The following LRRC4C variants were observed in gnomAD, a reference collection of about 807,000 sequenced individuals.
The protein encoded by LRRC4C is leucine rich repeat containing 4C.
A neutral mutation model predicts 33.6 loss-of-function variants in LRRC4C; 5 were observed. The ratio of observed to expected loss-of-function variants is 0.15; its 90% CI spans 0.08 to 0.31. LRRC4C has a LOEUF of 0.31. Ranked by LOEUF, LRRC4C falls within the 10% of genes least tolerant of loss-of-function variation. The probability of loss-of-function intolerance (pLI) is 1.00; values close to 1 mark genes in which losing one functional copy is unlikely to be tolerated. For synonymous variants in LRRC4C, 329 were observed against 302.0 expected, an observed-to-expected ratio of 1.09 and a Z score of -0.93; for missense variants, 560 against 796.7, an observed-to-expected ratio of 0.70 and a Z score of 3.58.
At chr11:40,397,213 A>C (rs562191499) in intron 3 of LRRC4C, among the ~76,000 whole-genome samples, 1 of 152,224 alleles carries the variant, frequency 6.6e-6, no homozygotes, top group East Asian at 1.9e-4. Flanking sequence ...TAATTTTAAA[A>C]TATTTCGTCT....
chr11:41,182,940 A>G (rs1419654454), intron 1 of LRRC4C, among the ~76,000 whole-genome samples: 1 of 152,006 alleles, frequency 6.6e-6, no homozygotes, highest in Admixed American at 6.6e-5. Context: ...AGCAAATCAC[A>G]TCTTACATGG....
chr11:40,938,310 A>G (rs1306447789), intron 1 of LRRC4C, among the ~76,000 whole-genome samples: 1 of 152,134 alleles, frequency 6.6e-6, no homozygotes, highest in Non-Finnish European at 1.5e-5. Flanking sequence ...GTACTGTCAC[A>G]GAGAAAAGAT....
chr11:40,848,717 T>C (rs1410943380), intron 2 of LRRC4C, among the ~76,000 whole-genome samples: 1 of 152,150 alleles, frequency 6.6e-6, no homozygotes, highest in Non-Finnish European at 1.5e-5. Flanking sequence ...TTCTGTCTCA[T>C]TGATTTGTCT....
intron 2 of LRRC4C, among the ~76,000 whole-genome samples, chr11:40,887,759 C>G (rs951041174): frequency 2.0e-5 from 3 of 151,962 alleles, no homozygotes; most frequent in Non-Finnish European, 4.4e-5. Flanking sequence ...CATGCTAAGT[C>G]TGAATTACCA....
rs192915159 is a variant in LRRC4C, at chr11:41,119,147, C to T, written c.-495-185424G>A. 5.3e-5 allele frequency among the ~76,000 whole-genome samples: 8 copies of T among 152,130 alleles called. No homozygotes were observed. The East Asian group carries it at 1.4e-3, about 26-fold the overall frequency. ...GTACTTTTTCATTGCCGTTTGCTGA[C>T]GATGTTCATATATCTCTTCAGCTAA... On this transcript the variant is annotated intron_variant, in intron 1 of 6. Coordinates refer to ENST00000528697, the MANE Select transcript of LRRC4C (RefSeq NM_001258419.2).
At chr11:40,791,246 T>C (rs2137383135) in intron 2 of LRRC4C, among the ~76,000 whole-genome samples, 1 of 152,330 alleles carries the variant, frequency 6.6e-6, no homozygotes, top group East Asian at 1.9e-4. Flanking sequence ...AAGCATTGTA[T>C]GGTGTTGCAA....
intron 3 of LRRC4C, among the ~76,000 whole-genome samples, chr11:40,429,879 T>TTGCTC (rs1181997848): frequency 6.6e-6 from 1 of 152,198 alleles, no homozygotes; most frequent in African/African-American, 2.4e-5. Flanking sequence ...CTTTCTCCTT[T>TTGCTC]TGCTCTTTTT....
chr11:40,789,139 T>C (rs1261394882), intron 2 of LRRC4C, among the ~76,000 whole-genome samples: 1 of 150,922 alleles, frequency 6.6e-6, no homozygotes, highest in East Asian at 1.9e-4. Context: ...ACTTATGTGT[T>C]AGTGGGCTCA....
Position 40,200,180 on chromosome 11 carries a change from T to TAAAAAAAAAAAAAAAAAAAAAA in LRRC4C, c.-96+41317_-96+41338dup, listed in dbSNP as rs56269292. The stretch of plus-strand genomic sequence containing the variant: ...CAAAATGGAGAAAGCCTGTCTCCAC[T>TAAAAAAAAAAAAAAAAAAAAAA]AAAAAAAAAAAAAAAAAAAAAAAAA... On this transcript the variant is annotated intron_variant, in intron 5 of 6. Coordinates refer to ENST00000528697, the MANE Select transcript of LRRC4C (RefSeq NM_001258419.2). Among the ~76,000 whole-genome samples, 7 of 26,048 alleles carry TAAAAAAAAAAAAAAAAAAAAAA rather than the reference T, an allele frequency of 2.7e-4. 1 individual carries two copies. Among genetic ancestry groups the TAAAAAAAAAAAAAAAAAAAAAA allele is most frequent in the Non-Finnish European group, 4.9e-4 (7 of 14,224 alleles). 17.1% of individuals were successfully genotyped at this position (26,048 alleles called of 152,430 possible).
At chr11:40,116,607 A>G (rs770864106) in intron 6 of LRRC4C, among the ~76,000 whole-genome samples, 2 of 152,164 alleles carry the variant, frequency 1.3e-5, no homozygotes, top group African/African-American at 4.8e-5. Context: ...TACCAACCAA[A>G]TGTGGCCCAA....
At chr11:40,561,849 T>A (rs1363953707) in intron 3 of LRRC4C, among the ~76,000 whole-genome samples, 1 of 152,220 alleles carries the variant, frequency 6.6e-6, no homozygotes, top group Non-Finnish European at 1.5e-5. Flanking sequence ...TGGCCATTAG[T>A]TGGAATTTTC....
intron 3 of LRRC4C, among the ~76,000 whole-genome samples, chr11:40,638,770 G>GTTT (rs34192633): frequency 5.7e-4 from 79 of 138,842 alleles, no homozygotes; most frequent in Admixed American, 3.9e-3. Flanking sequence ...AATTGGTCGA[G>GTTT]TTTTTTTTTT....
At chr11:41,195,843 C>T (rs756423414) in intron 1 of LRRC4C, among the ~76,000 whole-genome samples, 5 of 152,018 alleles carry the variant, frequency 3.3e-5, no homozygotes, top group Middle Eastern at 3.4e-3. Context: ...AAATTGGAGT[C>T]GACAAGGTCT....
At chr11:40,874,652 T>A (rs1018261018) in intron 2 of LRRC4C, among the ~76,000 whole-genome samples, 1 of 152,216 alleles carries the variant, frequency 6.6e-6, no homozygotes, top group Non-Finnish European at 1.5e-5. Flanking sequence ...TATGTTTGTT[T>A]TCCAGGTTGC....
intron 1 of LRRC4C, among the ~76,000 whole-genome samples, chr11:41,163,741 A>G (rs561006507): frequency 1.3e-5 from 2 of 151,954 alleles, no homozygotes; most frequent in South Asian, 4.2e-4. Flanking sequence ...CTTTCTGAGT[A>G]GCTGGGATTA....
At chr11:40,506,112 C>G (rs1394824820) in intron 3 of LRRC4C, among the ~76,000 whole-genome samples, 2 of 152,118 alleles carry the variant, frequency 1.3e-5, no homozygotes, top group African/African-American at 2.4e-5. Context: ...CATACATTCC[C>G]TATGCTCTTC....
intron 3 of LRRC4C, among the ~76,000 whole-genome samples, chr11:40,320,602 C>T (rs1433133840): frequency 1.3e-5 from 2 of 152,156 alleles, no homozygotes; most frequent in East Asian, 3.8e-4. Context: ...TAAATATAGA[C>T]ATTGGATTGA....
At chr11:40,277,701 T>C (rs149965930) in intron 4 of LRRC4C, among the ~76,000 whole-genome samples, 5 of 152,244 alleles carry the variant, frequency 3.3e-5, no homozygotes, top group Admixed American at 2.0e-4. Context: ...GGGTAAGTCA[T>C]TGAGCTTATT....
At position 40,772,752 on chromosome 11, in the gene LRRC4C, G is replaced by A. The variant is rs1949811115; in HGVS notation, c.-406-124474C>T. Among the ~76,000 whole-genome samples, 2 of 152,132 alleles carry A rather than the reference G, an allele frequency of 1.3e-5. 1 individual carries two copies. The highest frequency in any genetic ancestry group is 4.1e-4 in the South Asian group (2 of 4,830). ...CGTGAACCCTCATACACTGTTGATG[G>A]TAGTGTAAATTAGTACAGCTACTAT... On this transcript the variant is annotated intron_variant, in intron 2 of 6. Transcript: ENST00000528697.
Sources: allele counts gnomAD v4.1 joint callset (sites outside exome capture counted in the v4.1 genomes callset), GRCh38; gene constraint gnomAD v4.1.1; transcripts MANE v1.5; gene names NCBI Gene and HGNC (gene_info 2026-07-23, HGNC 2026-07-21).